SCIMP: variants seen among roughly 807,000 people sequenced by gnomAD.
The protein encoded by SCIMP is SLP adaptor and CSK interacting membrane protein, also known as SLP adapter and CSK-interacting membrane protein.
SCIMP carries 18 observed loss-of-function variants against 22.0 expected under a neutral mutation model. The observed-to-expected ratio is 0.82, with a 90% CI of 0.56 to 1.21. The LOEUF (loss-of-function observed/expected upper bound fraction) is 1.21, where lower values mean the gene tolerates loss of function less well. SCIMP is among the 50% of genes most tolerant of loss of function. The pLI is 0.00. For missense variants in SCIMP, 155 were observed against 171.2 expected (o/e 0.91, Z 0.53); for synonymous variants, 53 against 62.2 (o/e 0.85, Z 0.70).
chr17:5,231,659 A>G (rs2074695359), intron 1 of SCIMP, among the ~76,000 whole-genome samples: 1 of 152,190 alleles, frequency 6.6e-6, no homozygotes, highest in South Asian at 2.1e-4. Flanking sequence ...TCTTTGTCCC[A>G]TAAACGTCTC....
intron 1 of SCIMP, among the ~76,000 whole-genome samples, chr17:5,230,122 T>A (rs2074682768): frequency 6.6e-6 from 1 of 152,106 alleles, no homozygotes. Context: ...CCACTGCACC[T>A]GGCCAGAGGG....
At chr17:5,225,714 G>A (rs2074642806) in intron 1 of SCIMP, among the ~76,000 whole-genome samples, 3 of 150,972 alleles carry the variant, frequency 2.0e-5, no homozygotes, top group Non-Finnish European at 2.9e-5. Flanking sequence ...GTGAGCCGAG[G>A]TTGTGCCATT....
chr17:5,221,226 A>G, intron 3 of SCIMP, 61 bp downstream of exon 3: 1 of 1,227,584 alleles, frequency 8.1e-7, no homozygotes, highest in Non-Finnish European at 1.2e-6. Context: ...TGGAGGGGCA[A>G]GGGTGGAAGG....
Position 5,232,348 on chromosome 17 carries a change from A to ATATAAACAGTGCAG in SCIMP, c.21+2373_21+2386dup, listed in dbSNP as rs1160918708. Among the ~76,000 whole-genome samples, 110 of 34,464 alleles carry ATATAAACAGTGCAG rather than the reference A, an allele frequency of 3.2e-3. 1 individual carries two copies. Among genetic ancestry groups the ATATAAACAGTGCAG allele is most frequent in the East Asian group, 9.0e-3 (5 of 556 alleles). 22.6% of individuals were successfully genotyped at this position (34,464 alleles called of 152,430 possible). On this transcript the variant is annotated intron_variant, in intron 1 of 4. Coordinates refer to ENST00000574081, the MANE Select transcript of SCIMP (RefSeq NM_207103.3). Reference sequence around the variant, plus strand: ...TGTGGGGGACTAAGAAAGGGGTGGAATATAAACAGTGCAGTGTAAACAGTG... The same window carrying ATATAAACAGTGCAG: ...TGTGGGGGACTAAGAAAGGGGTGGAATATAAACAGTGCAGTATAAACAGTGCAGTGTAAACAGTG...
chr17:5,210,044 C>G lies in SCIMP; in HGVS notation c.*757G>C, dbSNP rs2144297057. 1.3e-5 allele frequency: 2 copies of G among 152,332 alleles called. No homozygotes were observed. Among genetic ancestry groups the G allele is most frequent in the Admixed American group, 1.3e-4 (2 of 15,292 alleles). 9.4% of individuals were successfully genotyped at this position (152,332 alleles called of 1,614,324 possible). A position where few individuals can be genotyped will look rare whatever the true frequency, so the allele number is the denominator to read the frequency against. On this transcript the variant is annotated 3_prime_UTR_variant, in exon 5 of 5. Coordinates refer to ENST00000574081, the MANE Select transcript of SCIMP (RefSeq NM_207103.3). ...TTTTTCCTGTAGCACCCCCAACACA[C>G]CTATTGCAAAATGATGCTTCTAGGT... is the stretch of plus-strand genomic sequence containing the variant.
chr17:5,227,911 A>G (rs1161503464), intron 1 of SCIMP, among the ~76,000 whole-genome samples: 3 of 152,290 alleles, frequency 2.0e-5, no homozygotes, highest in African/African-American at 7.2e-5. Context: ...GCGGTGGCTC[A>G]TGCCTGTAAT....
intron 1 of SCIMP, among the ~76,000 whole-genome samples, chr17:5,225,469 C>T (rs757087392): frequency 2.0e-5 from 3 of 150,158 alleles, no homozygotes; most frequent in Non-Finnish European, 4.5e-5. Context: ...CATCTCAAAA[C>T]AAAAGCAAAG....
chr17:5,212,420 G>A (rs1318098900), intron 4 of SCIMP, among the ~76,000 whole-genome samples: 1 of 152,124 alleles, frequency 6.6e-6, no homozygotes, highest in Non-Finnish European at 1.5e-5. Flanking sequence ...GGATCACGAG[G>A]TCAGGAGATC....
chr17:5,226,260 A>G (rs1189936254), intron 1 of SCIMP, among the ~76,000 whole-genome samples: 1 of 152,084 alleles, frequency 6.6e-6, no homozygotes, highest in Non-Finnish European at 1.5e-5. Flanking sequence ...TACTTTGATA[A>G]CACTGGAAAG....
At chr17:5,222,498 T>C (rs2074616060) in intron 2 of SCIMP, among the ~76,000 whole-genome samples, 1 of 152,168 alleles carries the variant, frequency 6.6e-6, no homozygotes, top group African/African-American at 2.4e-5. Context: ...ACAGATAATC[T>C]AAAGTTAGTG....
chr17:5,222,505 A>G, intron 2 of SCIMP, among the ~76,000 whole-genome samples: 1 of 152,184 alleles, frequency 6.6e-6, no homozygotes, highest in South Asian at 2.1e-4. Flanking sequence ...ATCTAAAGTT[A>G]GTGTTAATCC....
intron 3 of SCIMP, 144 bp downstream of exon 3, chr17:5,221,143 A>G: frequency 1.4e-6 from 1 of 727,002 alleles, no homozygotes. Context: ...CCTTATGTGG[A>G]GAGATTTGGC....
intron 1 of SCIMP, among the ~76,000 whole-genome samples, chr17:5,233,327 A>G (rs2074717329): frequency 6.6e-6 from 1 of 152,050 alleles, no homozygotes; most frequent in Non-Finnish European, 1.5e-5. Context: ...ACTGGCTGCC[A>G]AATACCAGTG....
At chr17:5,211,310 C>T (rs948823221) in intron 4 of SCIMP, among the ~76,000 whole-genome samples, 9 of 152,064 alleles carry the variant, frequency 5.9e-5, no homozygotes, top group African/African-American at 2.2e-4. Context: ...TCACTTGAGC[C>T]CAGGAGTTCC....
chr17:5,227,356 C>G (rs2074658943), intron 1 of SCIMP, among the ~76,000 whole-genome samples: 2 of 151,142 alleles, frequency 1.3e-5, no homozygotes. Context: ...GCGGCATGTG[C>G]CTATAGTCAC....
chr17:5,225,052 T>A (rs1243813856), intron 1 of SCIMP, among the ~76,000 whole-genome samples: 1 of 152,128 alleles, frequency 6.6e-6, no homozygotes, highest in Non-Finnish European at 1.5e-5. Context: ...GTTAGGAAGC[T>A]CCCATAGTGG....
chr17:5,223,508 G>A (rs779924074), intron 1 of SCIMP, 52 bp from the exon 2 acceptor site: 72 of 1,589,156 alleles, frequency 4.5e-5, no homozygotes, highest in East Asian at 2.2e-5. Context: ...ATATCCTGGG[G>A]TTGGGTGGAG....
intron 3 of SCIMP, among the ~76,000 whole-genome samples, chr17:5,216,622 C>T (rs138868624): frequency 2.0e-5 from 3 of 152,110 alleles, no homozygotes; most frequent in African/African-American, 4.8e-5. Flanking sequence ...GCCAAGATCG[C>T]GCCACTGCAC....
intron 1 of SCIMP, among the ~76,000 whole-genome samples, chr17:5,224,112 C>A (rs893235316): frequency 6.6e-6 from 1 of 152,160 alleles, no homozygotes; most frequent in African/African-American, 2.4e-5. Flanking sequence ...GGGAAGGTGC[C>A]ATTTAAAGCA....
Sources: allele counts gnomAD v4.1 joint callset (sites outside exome capture counted in the v4.1 genomes callset), GRCh38; gene constraint gnomAD v4.1.1; transcripts MANE v1.5; gene names NCBI Gene and HGNC (gene_info 2026-07-23, HGNC 2026-07-21).